TOP1MT: variants seen among roughly 807,000 people sequenced by gnomAD.
The protein encoded by TOP1MT is DNA topoisomerase I, mitochondrial.
TOP1MT carries 80 observed loss-of-function variants against 73.9 expected under a neutral mutation model. The observed-to-expected ratio is 1.08, with a 90% CI of 0.90 to 1.30. TOP1MT has a LOEUF of 1.30. Ranked by LOEUF, TOP1MT falls within the 50% of genes most tolerant of loss-of-function variation. The pLI, the probability that TOP1MT is intolerant of heterozygous loss-of-function variation, is 0.00. For synonymous variants in TOP1MT, 338 were observed against 326.4 expected, an observed-to-expected ratio of 1.04 and a Z score of -0.38; for missense variants, 815 against 808.0, an observed-to-expected ratio of 1.01 and a Z score of -0.10.
chr8:143,333,589 G>A (rs554565296), intron 1 of TOP1MT, among the ~76,000 whole-genome samples: 8 of 152,324 alleles, frequency 5.3e-5, no homozygotes, highest in African/African-American at 1.4e-4. Flanking sequence ...GCCGGCCAGC[G>A]GCCAGGCAGG....
rs372354595 is a variant in TOP1MT, at chr8:143,329,495, G to A, written c.239-24C>T. 9.0e-5 allele frequency: 144 copies of A among 1,595,118 alleles called. No individual in the cohort carries two copies. In the African/African-American group the frequency reaches 1.3e-3, roughly 14 times the overall value. Reference sequence around the variant, plus strand: ...TCCTGCAGGCATCGGAAGACACATCGTATGAGAGAGCGGCCAGAGGCTCGG... The same window carrying A: ...TCCTGCAGGCATCGGAAGACACATCATATGAGAGAGCGGCCAGAGGCTCGG... On this transcript the variant is annotated intron_variant, in intron 2 of 13. Coordinates refer to ENST00000329245, the MANE Select transcript of TOP1MT (RefSeq NM_052963.3).
intron 1 of TOP1MT, among the ~76,000 whole-genome samples, chr8:143,351,960 T>C (rs961588830): frequency 6.6e-6 from 1 of 152,206 alleles, no homozygotes; most frequent in Non-Finnish European, 1.5e-5. Context: ...GCACATGCTG[T>C]AATCCCAGCT....
upstream of TOP1MT, among the ~76,000 whole-genome samples, chr8:143,337,803 G>C (rs1817007294): frequency 6.6e-6 from 1 of 152,174 alleles, no homozygotes; most frequent in South Asian, 2.1e-4. Flanking sequence ...AAACAGCCCG[G>C]CGCCACACCC....
chr8:143,339,092 C>A (rs2130389718), upstream of TOP1MT, among the ~76,000 whole-genome samples: 1 of 152,324 alleles, frequency 6.6e-6, no homozygotes, highest in South Asian at 2.1e-4. Context: ...GAAGCCGGAG[C>A]TCCAAGGCTA....
At chr8:143,350,757 C>G (rs1253972542) in intron 1 of TOP1MT, among the ~76,000 whole-genome samples, 1 of 152,262 alleles carries the variant, frequency 6.6e-6, no homozygotes, top group East Asian at 1.9e-4. Flanking sequence ...TCCAATGCAT[C>G]TGAACAGACT....
intron 12 of TOP1MT, among the ~76,000 whole-genome samples, chr8:143,313,257 G>T (rs1254347597): frequency 6.6e-6 from 1 of 152,170 alleles, no homozygotes; most frequent in African/African-American, 2.4e-5. Flanking sequence ...CAACAAGAAA[G>T]AAGAAAGATG....
chr8:143,346,237 A>G (rs1230400959), upstream of TOP1MT, among the ~76,000 whole-genome samples: 2 of 152,214 alleles, frequency 1.3e-5, no homozygotes, highest in Non-Finnish European at 2.9e-5. Context: ...CTCAGGAGTG[A>G]AGAGGAAATG....
At chr8:143,357,382 G>A (rs1563776841), upstream of TOP1MT, among the ~76,000 whole-genome samples, 1 of 151,162 alleles carries the variant, frequency 6.6e-6, no homozygotes, top group African/African-American at 2.4e-5. Context: ...TGCACTCCTG[G>A]GCGACAGAGT....
intron 6 of TOP1MT, 22 bp downstream of exon 6, chr8:143,324,463 C>T: frequency 6.2e-7 from 1 of 1,613,654 alleles, no homozygotes. Context: ...GGAGGAAACA[C>T]CCTGCCAAGC....
Position 143,321,319 on chromosome 8 carries a change from AG to A in TOP1MT, c.1027del (p.Leu343SerfsTer62), listed in dbSNP as rs765519041. On this transcript the variant is annotated frameshift_variant, in exon 8 of 14. Coordinates refer to ENST00000329245, the MANE Select transcript of TOP1MT (RefSeq NM_052963.3). LOFTEE classifies it high-confidence loss of function. ...EAADTVGCCS[L>X]RVEHVQLHPE... is the part of the protein sequence containing the mutation. ...GTGCAGCTGGACGTGCTCCACGCGG[AG>A]GGAACAGCAGCCCACGGTGTCGGCC... The A allele has an allele frequency of 6.8e-6, 11 of 1,608,326 alleles. No homozygotes were observed. The East Asian group carries it at 2.5e-4, about 36-fold the overall frequency.
intron 7 of TOP1MT, among the ~76,000 whole-genome samples, chr8:143,323,792 AC>A (rs557189074): frequency 0.076 from 11,405 of 150,684 alleles, 577 homozygotes; most frequent in Non-Finnish European, 0.1. Context: ...CACCACACGC[AC>A]AAGTGCACAC....
chr8:143,354,159 G>GTA (rs1328494576), intron 1 of TOP1MT, among the ~76,000 whole-genome samples: 1 of 151,878 alleles, frequency 6.6e-6, no homozygotes, highest in African/African-American at 2.4e-5. Flanking sequence ...CAACCCAAAT[G>GTA]TACATCAGCA....
chr8:143,334,893 G>A (rs1176317996), upstream of TOP1MT: 22 of 1,413,968 alleles, frequency 1.6e-5, no homozygotes, highest in Middle Eastern at 2.5e-4. Flanking sequence ...CGACAAGCTG[G>A]GCCCCGCCCC....
rs1481567714 is a variant in TOP1MT at position 143,329,463 on chromosome 8, C to G, written c.247G>C (p.Val83Leu). 1.9e-6 allele frequency: 3 copies of G among 1,609,546 alleles called. No homozygotes were observed. In the South Asian group the frequency reaches 3.3e-5, roughly 18 times the overall value. ...GVRFFYEGRPVRLSVAAEEVA... is the reference protein window; with the variant it reads ...GVRFFYEGRPLRLSVAAEEVA... ...TCCTCCGCTGCCACGCTCAATCTCA[C>G]AGGCCTTCCTGCAGGCATCGGAAGA... The change falls in exon 3 of 14, where the codon GTG becomes CTG. Residue 83 changes from valine to leucine, a missense_variant. Val to Leu is a conservative substitution (Grantham distance 32, BLOSUM62 1). Around this residue, in one of 3 missense-constraint regions of TOP1MT, gnomAD observed 751 missense variants for 725.4 expected, o/e 1.04. Coordinates refer to ENST00000329245, the MANE Select transcript of TOP1MT (RefSeq NM_052963.3).
At chr8:143,311,322 G>A (rs1275058630) in intron 12 of TOP1MT, among the ~76,000 whole-genome samples, 3 of 151,882 alleles carry the variant, frequency 2.0e-5, no homozygotes, top group Non-Finnish European at 4.4e-5. Context: ...GGAGGTCAGG[G>A]GTGAGTCACA....
At chr8:143,358,221 C>G (rs1192032192), upstream of TOP1MT, among the ~76,000 whole-genome samples, 1 of 152,220 alleles carries the variant, frequency 6.6e-6, no homozygotes, top group Non-Finnish European at 1.5e-5. Context: ...CATTTTCCAG[C>G]CTTATCTGCC....
upstream of TOP1MT, among the ~76,000 whole-genome samples, chr8:143,349,477 A>G (rs1373110078): frequency 6.6e-6 from 1 of 152,142 alleles, no homozygotes; most frequent in Non-Finnish European, 1.5e-5. Flanking sequence ...CATTAGTGCC[A>G]ATGTGTTTTC....
In TOP1MT at chr8:143,331,240, C is replaced by T; in HGVS notation, c.222G>A (p.Val74=). The T allele has an allele frequency of 6.2e-7, 1 of 1,608,390 alleles. No homozygotes were observed. The highest frequency in any genetic ancestry group is 8.5e-7 in the Non-Finnish European group (1 of 1,175,582). The change falls in exon 2 of 14, where the codon GTG becomes GTA. Residue 74 remains valine, a synonymous_variant. Coordinates refer to ENST00000329245, the MANE Select transcript of TOP1MT (RefSeq NM_052963.3). ...APPYEPLPDG[V]RFFYEGRPVR... ...CATCCTTACCTTCATAGAAGAAACG[C>T]ACTCCGTCGGGAAGGGGCTCGTATG... is the stretch of plus-strand genomic sequence containing the variant.
chr8:143,320,538 A>G (rs899444171), intron 8 of TOP1MT, among the ~76,000 whole-genome samples: 2 of 152,220 alleles, frequency 1.3e-5, no homozygotes, highest in Non-Finnish European at 1.5e-5. Flanking sequence ...AAGCACTGAG[A>G]TTACAGGAGT....
Sources: allele counts gnomAD v4.1 joint callset (sites outside exome capture counted in the v4.1 genomes callset), GRCh38; gene constraint gnomAD v4.1.1; regional missense constraint gnomAD v4.1.1; transcripts MANE v1.5; gene names NCBI Gene and HGNC (gene_info 2026-07-23, HGNC 2026-07-21).